Variants in RBM19 observed in about 807,000 individuals in gnomAD.
The protein encoded by RBM19 is RNA binding motif protein 19.
In RBM19, 94 loss-of-function variants were observed where a neutral mutation model predicts 116.8. The observed-to-expected ratio is 0.80, with a 90% CI of 0.68 to 0.95. The LOEUF is 0.95. Among genes scored for constraint, RBM19 ranks in the 40% least tolerant of loss-of-function variants. The pLI is 0.00. For missense variants in RBM19, 1,161 were observed against 1,220.7 expected (o/e 0.95, Z 0.73); for synonymous variants, 475 against 494.1 (o/e 0.96, Z 0.51).
intron 20 of RBM19, among the ~76,000 whole-genome samples, chr12:113,915,513 C>T (rs1036241710): frequency 6.6e-6 from 1 of 152,152 alleles, no homozygotes; most frequent in African/African-American, 2.4e-5. Context: ...GCAGATGGAC[C>T]AGGTGGCGAG....
intron 22 of RBM19, among the ~76,000 whole-genome samples, chr12:113,848,294 C>T (rs1409042354): frequency 6.6e-6 from 1 of 152,128 alleles, no homozygotes; most frequent in East Asian, 1.9e-4. Context: ...GAAGTTAGAG[C>T]ACAATACGTG....
chr12:113,849,301 CTCAG>C (rs1190053382), intron 22 of RBM19, among the ~76,000 whole-genome samples: 3 of 152,260 alleles, frequency 2.0e-5, no homozygotes, highest in African/African-American at 7.2e-5. Flanking sequence ...GCAGAGGCCA[CTCAG>C]TCAATGTTCA....
chr12:113,904,473 GC>G (rs1881916074), intron 21 of RBM19, among the ~76,000 whole-genome samples: 1 of 152,180 alleles, frequency 6.6e-6, no homozygotes, highest in African/African-American at 2.4e-5. Flanking sequence ...AGGCTTCTTG[GC>G]GGGGGAATGA....
chr12:113,931,742 C>G (rs1307455569), intron 16 of RBM19, among the ~76,000 whole-genome samples: 4 of 152,208 alleles, frequency 2.6e-5, no homozygotes, highest in African/African-American at 9.6e-5. Flanking sequence ...TTCTGCTGGT[C>G]TGCTGCTTTC....
chr12:113,892,118 T>C (rs980797617), intron 21 of RBM19, among the ~76,000 whole-genome samples: 10 of 152,310 alleles, frequency 6.6e-5, no homozygotes, highest in Non-Finnish European at 1.0e-4. Flanking sequence ...CTTGGAAGGA[T>C]AAGAGGCTCT....
intron 21 of RBM19, among the ~76,000 whole-genome samples, chr12:113,866,658 C>T (rs1878829634): frequency 6.6e-6 from 1 of 152,168 alleles, no homozygotes; most frequent in Non-Finnish European, 1.5e-5. Context: ...CAATGTTCTG[C>T]CCTCCTCTTG....
At chr12:113,900,325 T>C (rs536683245) in intron 21 of RBM19, among the ~76,000 whole-genome samples, 14 of 152,332 alleles carry the variant, frequency 9.2e-5, no homozygotes, top group African/African-American at 3.4e-4. Context: ...ATAAATGACA[T>C]ACTCTTAGTC....
chr12:113,959,206 C>T lies in RBM19; in HGVS notation c.571+6G>A, dbSNP rs1481419225. ...CGCATGGAGCACACAGTCCCCATGC[C>T]CTCACCTTCCAGGTCCTCCCCGGCT... is the stretch of plus-strand genomic sequence containing the variant. On this transcript the variant is annotated splice_donor_region_variant and intron_variant, in intron 5 of 23. Transcript: ENST00000261741. The T allele has an allele frequency of 1.2e-6, 2 of 1,606,894 alleles. No homozygotes were observed. Among genetic ancestry groups the T allele is most frequent in the East Asian group, 2.2e-5 (1 of 44,744 alleles).
intron 21 of RBM19, among the ~76,000 whole-genome samples, chr12:113,890,392 A>C (rs980870868): frequency 1.3e-5 from 2 of 152,206 alleles, no homozygotes; most frequent in Non-Finnish European, 2.9e-5. Context: ...ATTATTCAGC[A>C]TCCTGCCATA....
At chr12:113,927,447 A>C (rs1869189176) in intron 16 of RBM19, 1 of 545,038 alleles carries the variant, frequency 1.8e-6, no homozygotes, top group Non-Finnish European at 3.2e-6. Context: ...CTGTGTTGTA[A>C]AGAGAAAGGA....
intron 21 of RBM19, among the ~76,000 whole-genome samples, chr12:113,867,885 C>A (rs1330012987): frequency 6.6e-6 from 1 of 152,134 alleles, no homozygotes; most frequent in African/African-American, 2.4e-5. Context: ...GCCGAGATTG[C>A]ACCACTGCAC....
chr12:113,952,418 G>A (rs916362733), intron 8 of RBM19, 94 bp downstream of exon 8: 2 of 1,137,974 alleles, frequency 1.8e-6, no homozygotes, highest in Non-Finnish European at 2.6e-6. Context: ...GAAGAAAAAC[G>A]GGTGCCCTTA....
At chr12:113,942,104 G>A (rs1271516805) in intron 14 of RBM19, among the ~76,000 whole-genome samples, 1 of 152,184 alleles carries the variant, frequency 6.6e-6, no homozygotes, top group Non-Finnish European at 1.5e-5. Flanking sequence ...TGGGGTTGTA[G>A]GCAGACCTCT....
chr12:113,955,271 G>A, intron 6 of RBM19, 60 bp from the exon 7 acceptor site: 1 of 1,510,022 alleles, frequency 6.6e-7, no homozygotes, highest in Non-Finnish European at 9.2e-7. Flanking sequence ...AGCTGCAGGA[G>A]GTGGCACACT....
At chr12:113,907,235 T>C (rs1308719573) in intron 21 of RBM19, among the ~76,000 whole-genome samples, 1 of 152,196 alleles carries the variant, frequency 6.6e-6, no homozygotes, top group Non-Finnish European at 1.5e-5. Context: ...AGAACGCTCA[T>C]GCCACCATGT....
intron 21 of RBM19, among the ~76,000 whole-genome samples, chr12:113,881,466 T>C (rs1400478402): frequency 6.6e-6 from 1 of 152,112 alleles, no homozygotes; most frequent in Non-Finnish European, 1.5e-5. Flanking sequence ...TTCTCTACTT[T>C]TGGGGGAGGA....
chr12:113,918,347 A>C (rs190601368), intron 20 of RBM19, 45 bp downstream of exon 20: 4 of 1,605,774 alleles, frequency 2.5e-6, no homozygotes, highest in Non-Finnish European at 3.4e-6. Context: ...CAAGCACAGG[A>C]AGCCCCAGCT....
intron 21 of RBM19, among the ~76,000 whole-genome samples, chr12:113,894,876 A>G (rs1189594809): frequency 6.6e-6 from 1 of 152,226 alleles, no homozygotes; most frequent in Admixed American, 6.5e-5. Context: ...CGACTGGGAC[A>G]GCCACATGCC....
intron 18 of RBM19, among the ~76,000 whole-genome samples, chr12:113,924,456 G>A (rs1868873752): frequency 6.6e-6 from 1 of 152,170 alleles, no homozygotes. Context: ...TGAGGTGGTG[G>A]AGGCTCTAGG....
Sources: allele counts gnomAD v4.1 joint callset (sites outside exome capture counted in the v4.1 genomes callset), GRCh38; gene constraint gnomAD v4.1.1; transcripts MANE v1.5; gene names NCBI Gene and HGNC (gene_info 2026-07-23, HGNC 2026-07-21).